LGR6: variants seen among roughly 807,000 people sequenced by gnomAD.
LGR6 encodes the protein leucine rich repeat containing G protein-coupled receptor 6.
LGR6 carries 45 observed loss-of-function variants against 69.4 expected under a neutral mutation model. That is an observed-to-expected ratio of 0.65 (90% confidence interval 0.51 to 0.83). LGR6 has a LOEUF of 0.83. Among genes scored for constraint, LGR6 ranks in the 40% least tolerant of loss-of-function variants. LGR6 has a pLI of 0.00. For synonymous variants in LGR6, 538 were observed against 555.0 expected, an observed-to-expected ratio of 0.97 and a Z score of 0.43; for missense variants, 1,108 against 1,246.7, an observed-to-expected ratio of 0.89 and a Z score of 1.68.
chr1:202,304,426 G>A, intron 10 of LGR6, 133 bp from the exon 11 acceptor site: 2 of 532,646 alleles, frequency 3.8e-6, no homozygotes, highest in Non-Finnish European at 6.5e-6. Flanking sequence ...CCCCTGCCCT[G>A]TCTCTCCCTC....
chr1:202,319,296 A>G lies in LGR6; in HGVS notation c.*89A>G. ...GGCTGCTTCTAAAACAAATACAACCAAAACTCAGCAGTGTGATCTATAGCA... is the reference window on the plus strand; with the variant it reads ...GGCTGCTTCTAAAACAAATACAACCGAAACTCAGCAGTGTGATCTATAGCA... On this transcript the variant is annotated 3_prime_UTR_variant, in exon 18 of 18. Coordinates refer to ENST00000367278, the MANE Select transcript of LGR6 (RefSeq NM_001017403.2). 1 of 1,368,992 alleles carries G rather than the reference A, an allele frequency of 7.3e-7. No homozygotes were observed. The highest frequency in any genetic ancestry group is 9.8e-7 in the Non-Finnish European group (1 of 1,025,472). The allele number at this position is 1,368,992 out of a possible 1,614,324, so 84.8% of individuals were successfully genotyped here.
At chr1:202,269,392 C>T (rs1664917715) in intron 4 of LGR6, among the ~76,000 whole-genome samples, 1 of 152,184 alleles carries the variant, frequency 6.6e-6, no homozygotes, top group Non-Finnish European at 1.5e-5. Flanking sequence ...TGGCTAGGGG[C>T]TCCCCTTCTC....
At chr1:202,273,742 T>C (rs1665308631) in intron 4 of LGR6, among the ~76,000 whole-genome samples, 1 of 152,060 alleles carries the variant, frequency 6.6e-6, no homozygotes, top group Non-Finnish European at 1.5e-5. Flanking sequence ...AGGCGTGAGC[T>C]ACCGTGCCCG....
chr1:202,200,034 C>G (rs1322235143), intron 1 of LGR6, among the ~76,000 whole-genome samples: 1 of 152,192 alleles, frequency 6.6e-6, no homozygotes, highest in East Asian at 1.9e-4. Flanking sequence ...TCTTCTGGAG[C>G]CCCATCAGAT....
At chr1:202,244,983 G>A (rs970002141) in intron 4 of LGR6, among the ~76,000 whole-genome samples, 8 of 152,306 alleles carry the variant, frequency 5.3e-5, no homozygotes, top group African/African-American at 1.7e-4. Context: ...GAGGTCTGGG[G>A]TGCTCTCATC....
At chr1:202,280,013 T>C (rs1665881916) in intron 5 of LGR6, among the ~76,000 whole-genome samples, 1 of 152,248 alleles carries the variant, frequency 6.6e-6, no homozygotes, top group African/African-American at 2.4e-5. Flanking sequence ...GGTTCATTAG[T>C]CATCTTTTCT....
intron 1 of LGR6, among the ~76,000 whole-genome samples, chr1:202,222,432 A>G (rs567164558): frequency 2.0e-5 from 3 of 152,238 alleles, no homozygotes; most frequent in Admixed American, 6.5e-5. Context: ...GGTGGGGGCC[A>G]TGGAGGGACA....
Position 202,319,143 on chromosome 1 carries a change from G to A in LGR6, c.2840G>A (p.Gly947Asp). 6.2e-7 allele frequency: 1 copy of A among 1,614,016 alleles called. No homozygotes were observed. The highest frequency in any genetic ancestry group is 8.5e-7 in the Non-Finnish European group (1 of 1,179,930). Residue 947 changes from glycine to aspartate, a missense_variant, in exon 18 of 18, where the codon GGT becomes GAT. Physicochemically the swap from Gly to Asp is moderately conservative, Grantham distance 94. Transcript: ENST00000367278. ...LLRAEGSTPA[G>D]GGLSGGGGFQ... ...AGGGCAGAGGGATCTACGCCAGCAG[G>A]TGGAGGCTTGTCAGGGGGTGGCGGC...
At position 202,318,151 on chromosome 1, in the gene LGR6, CCTT is replaced by C; in HGVS notation, c.1851_1853del (p.Leu618del). ...ACACCTTGACTGGCATTTCCTGTGG[CCTT>C]CTAGCCTCAGTCGATGCCCTGACCT... is the stretch of plus-strand genomic sequence containing the variant. On this transcript the variant is annotated inframe_deletion, in exon 18 of 18. Coordinates refer to ENST00000367278, the MANE Select transcript of LGR6 (RefSeq NM_001017403.2). 6.2e-7 allele frequency: 1 copy of C among 1,614,018 alleles called. No individual in the cohort carries two copies. The highest frequency in any genetic ancestry group is 1.1e-5 in the South Asian group (1 of 91,090).
At chr1:202,238,658 C>T (rs890813163) in intron 4 of LGR6, among the ~76,000 whole-genome samples, 1 of 151,774 alleles carries the variant, frequency 6.6e-6, no homozygotes, top group South Asian at 2.1e-4. Flanking sequence ...CTCCTGACCT[C>T]GTGATTCACC....
At chr1:202,231,147 G>A (rs1276198512) in intron 3 of LGR6, among the ~76,000 whole-genome samples, 4 of 152,172 alleles carry the variant, frequency 2.6e-5, no homozygotes, top group Admixed American at 2.0e-4. Context: ...GCATCTCCGG[G>A]ACCCATCCCG....
At chr1:202,269,924 A>G (rs1664955707) in intron 4 of LGR6, among the ~76,000 whole-genome samples, 1 of 152,188 alleles carries the variant, frequency 6.6e-6, no homozygotes, top group African/African-American at 2.4e-5. Flanking sequence ...TTGCTTTTAA[A>G]TGAATATTTG....
At chr1:202,225,748 C>T (rs549151133) in intron 2 of LGR6, among the ~76,000 whole-genome samples, 1 of 152,218 alleles carries the variant, frequency 6.6e-6, no homozygotes, top group Non-Finnish European at 1.5e-5. Flanking sequence ...AGCATTCCCT[C>T]CTAACTTCTC....
At chr1:202,301,846 A>G (rs970008138) in intron 9 of LGR6, among the ~76,000 whole-genome samples, 1 of 151,914 alleles carries the variant, frequency 6.6e-6, no homozygotes, top group Non-Finnish European at 1.5e-5. Context: ...GTAAAACCCC[A>G]TCTCTACTAA....
chr1:202,197,403 C>T (rs1256451584), intron 1 of LGR6: 3 of 533,380 alleles, frequency 5.6e-6, no homozygotes, highest in East Asian at 1.1e-4. Flanking sequence ...ACTCACAATC[C>T]TCCATATGTC....
chr1:202,318,686 G>A lies in LGR6; in HGVS notation c.2383G>A (p.Ala795Thr), dbSNP rs1255101634. The A allele has an allele frequency of 3.1e-6, 5 of 1,613,466 alleles. No homozygotes were observed. The highest frequency in any genetic ancestry group is 3.4e-6 in the Non-Finnish European group (4 of 1,179,990). Residue 795 changes from alanine (A) to threonine (T), a missense_variant, in exon 18 of 18, where the codon GCC becomes ACC. Ala to Thr is a moderately conservative substitution (Grantham distance 58). Coordinates refer to ENST00000367278, the MANE Select transcript of LGR6 (RefSeq NM_001017403.2). Reference protein sequence around the residue: ...LYCPVAFLSFASMLGLFPVTP... With the variant: ...LYCPVAFLSFTSMLGLFPVTP... ...CTGTCCCGTGGCCTTCCTCAGCTTT[G>A]CCTCCATGCTGGGCCTCTTCCCTGT...
At chr1:202,205,830 AACAC>A (rs1659197947) in intron 1 of LGR6, among the ~76,000 whole-genome samples, 1 of 106,812 alleles carries the variant, frequency 9.4e-6, no homozygotes, top group South Asian at 3.6e-4. Context: ...CACACACCCC[AACAC>A]ACACACCTCC....
chr1:202,299,559 G>A (rs1667425930), intron 7 of LGR6, among the ~76,000 whole-genome samples: 1 of 152,130 alleles, frequency 6.6e-6, no homozygotes, highest in Non-Finnish European at 1.5e-5. Flanking sequence ...TTGAGGACAG[G>A]GCCCCTGTCT....
intron 1 of LGR6, among the ~76,000 whole-genome samples, chr1:202,215,399 A>C (rs1438370991): frequency 1.3e-5 from 2 of 152,020 alleles, no homozygotes; most frequent in Middle Eastern, 3.2e-3. Flanking sequence ...ACCCATGGAG[A>C]GGTCTGATCT....
Sources: gnomAD v4.1 joint callset for allele counts (sites outside exome capture counted in the v4.1 genomes callset) on GRCh38, gnomAD v4.1.1 for gene constraint, MANE v1.5 for transcripts, NCBI Gene and HGNC (gene_info 2026-07-23, HGNC 2026-07-21) for gene names.